Variants in OPHN1 observed in about 807,000 individuals in gnomAD.
OPHN1 encodes oligophrenin 1, also known as oligophrenin-1.
OPHN1 carries 11 observed loss-of-function variants against 60.7 expected under a neutral mutation model. That is an observed-to-expected ratio of 0.18 (90% CI 0.11 to 0.30). OPHN1 has a LOEUF of 0.30. Ranked by LOEUF, OPHN1 falls within the 10% of genes least tolerant of loss-of-function variation. OPHN1 has a pLI of 1.00. For synonymous variants in OPHN1, 226 were observed against 222.6 expected (o/e 1.02, Z -0.14); for missense variants, 449 against 611.0 (o/e 0.73, Z 2.80).
chrX:68,345,487 G>A (rs1319747193), intron 2 of OPHN1, among the ~76,000 whole-genome samples: 1 of 112,368 alleles, frequency 8.9e-6, no homozygotes, highest in Non-Finnish European at 1.9e-5. Flanking sequence ...AATCTCAGTG[G>A]AGGTGGGTTT....
intron 2 of OPHN1, among the ~76,000 whole-genome samples, chrX:68,414,802 T>C (rs2078786069): frequency 1.8e-5 from 2 of 111,838 alleles, no homozygotes; most frequent in Admixed American, 9.6e-5. Flanking sequence ...CCCATTACCA[T>C]TACTTGCTGA....
At chrX:68,191,609 C>T (rs1203661787) in intron 15 of OPHN1, among the ~76,000 whole-genome samples, 1 of 112,096 alleles carries the variant, frequency 8.9e-6, no homozygotes, top group Non-Finnish European at 1.9e-5. Context: ...CAAAACAGGA[C>T]TATGACTCTG....
chrX:68,297,474 A>G (rs903854583), intron 3 of OPHN1, among the ~76,000 whole-genome samples: 2 of 112,045 alleles, frequency 1.8e-5, no homozygotes, highest in Admixed American at 9.6e-5. Context: ...AGAAAATAAT[A>G]CAAATACAAA....
At chrX:68,404,864 AGTT>A (rs2078733909) in intron 2 of OPHN1, among the ~76,000 whole-genome samples, 2 of 111,792 alleles carry the variant, frequency 1.8e-5, no homozygotes, top group African/African-American at 6.5e-5. Context: ...AAGTAACAAA[AGTT>A]GTTAAAATCA....
chrX:68,271,126 A>G (rs966703473), intron 5 of OPHN1, among the ~76,000 whole-genome samples: 6 of 111,558 alleles, frequency 5.4e-5, no homozygotes, highest in African/African-American at 2.0e-4. Context: ...GAGATAGAAA[A>G]CCTTACAAAT....
At chrX:68,099,686 A>C (rs2077050536) in intron 18 of OPHN1, among the ~76,000 whole-genome samples, 1 of 112,361 alleles carries the variant, frequency 8.9e-6, no homozygotes, top group African/African-American at 3.2e-5. Flanking sequence ...ACCATTACTC[A>C]ACCCCAACTG....
intron 2 of OPHN1, among the ~76,000 whole-genome samples, chrX:68,366,853 C>T (rs2078501218): frequency 9.0e-6 from 1 of 111,655 alleles, no homozygotes; most frequent in African/African-American, 3.3e-5. Context: ...TTATTTAATT[C>T]TTACAACTAT....
At chrX:68,051,354 A>T (rs1485439716) in intron 23 of OPHN1, among the ~76,000 whole-genome samples, 1 of 111,852 alleles carries the variant, frequency 8.9e-6, no homozygotes, top group African/African-American at 3.3e-5. Flanking sequence ...AGTCTGTACC[A>T]GCACTTGAGA....
chrX:68,063,916 G>A lies in OPHN1; in HGVS notation c.2096C>T (p.Thr699Ile), dbSNP rs2076903009. 1 of 1,188,775 alleles carries A rather than the reference G, an allele frequency of 8.4e-7. No homozygotes were observed. Among genetic ancestry groups the A allele is most frequent in the Non-Finnish European group, 1.1e-6 (1 of 883,641 alleles). The change falls in exon 21 of 25, where the codon ACC becomes ATC. Residue 699 changes from threonine to isoleucine, a missense_variant. Physicochemically the swap from Thr to Ile is moderately conservative, Grantham distance 89 (BLOSUM62 -1). This residue lies in a region of OPHN1 where 184 missense variants were observed against 160.5 expected (regional missense o/e 1.15). Coordinates refer to ENST00000355520, the MANE Select transcript of OPHN1 (RefSeq NM_002547.3). ...CTTTATGTGGAAAGAGGGGGTCTTG[G>A]TGGGCCCAGAGCCTGGCATGGGTCC... ...TNGPMPGSGP[T>I]KTPSFHIKRP...
chrX:68,167,368 G>GA (rs1279759062), intron 15 of OPHN1, among the ~76,000 whole-genome samples: 2 of 111,176 alleles, frequency 1.8e-5, no homozygotes, highest in African/African-American at 6.5e-5. Flanking sequence ...AGGATGTGGA[G>GA]AAAAAGGAAA....
intron 15 of OPHN1, among the ~76,000 whole-genome samples, chrX:68,135,783 A>G (rs1397508755): frequency 8.9e-6 from 1 of 112,239 alleles, no homozygotes; most frequent in Non-Finnish European, 1.9e-5. Flanking sequence ...ATACATGACA[A>G]AAGTTTTTAG....
intron 15 of OPHN1, among the ~76,000 whole-genome samples, chrX:68,160,366 T>C (rs1227738817): frequency 9.0e-6 from 1 of 110,954 alleles, no homozygotes; most frequent in African/African-American, 3.3e-5. Context: ...AAATGATGAA[T>C]AGAACAACTA....
At chrX:68,104,723 G>T (rs182636893) in intron 18 of OPHN1, among the ~76,000 whole-genome samples, 1 of 111,649 alleles carries the variant, frequency 9.0e-6, no homozygotes, top group African/African-American at 3.3e-5. Flanking sequence ...AAAAACATAG[G>T]CAATACCATT....
intron 2 of OPHN1, among the ~76,000 whole-genome samples, chrX:68,401,790 A>C: frequency 8.9e-6 from 1 of 111,745 alleles, no homozygotes; most frequent in East Asian, 2.8e-4. Flanking sequence ...TTCCAGGAAA[A>C]AAGAATGGCC....
intron 15 of OPHN1, among the ~76,000 whole-genome samples, chrX:68,127,721 A>G (rs1193680480): frequency 8.9e-6 from 1 of 112,187 alleles, no homozygotes; most frequent in Non-Finnish European, 1.9e-5. Flanking sequence ...TGCTATCACT[A>G]GTACTACTTA....
At chrX:68,387,923 A>C (rs1467807214) in intron 2 of OPHN1, among the ~76,000 whole-genome samples, 3 of 110,754 alleles carry the variant, frequency 2.7e-5, no homozygotes, top group Non-Finnish European at 5.7e-5. Flanking sequence ...TTTGAGCTGG[A>C]GCTTGAAGAA....
At chrX:68,125,034 A>G (rs899144898) in intron 15 of OPHN1, among the ~76,000 whole-genome samples, 2 of 112,046 alleles carry the variant, frequency 1.8e-5, no homozygotes, top group African/African-American at 6.5e-5. Context: ...CTAGAAATCA[A>G]TAAGAAGAGG....
chrX:68,215,622 A>G (rs913618316), intron 6 of OPHN1, among the ~76,000 whole-genome samples: 1 of 112,041 alleles, frequency 8.9e-6, no homozygotes, highest in African/African-American at 3.2e-5. Context: ...GAAGCTAGAG[A>G]GAAAAACAAA....
intron 18 of OPHN1, among the ~76,000 whole-genome samples, chrX:68,100,264 C>A (rs1202780999): frequency 9.1e-6 from 1 of 110,302 alleles, no homozygotes. Flanking sequence ...TACATACATA[C>A]ACGCACACAC....
Sources: gnomAD v4.1 joint callset for allele counts (sites outside exome capture counted in the v4.1 genomes callset) on GRCh38, gnomAD v4.1.1 for gene constraint, gnomAD v4.1.1 regional missense constraint, MANE v1.5 for transcripts, NCBI Gene and HGNC (gene_info 2026-07-23, HGNC 2026-07-21) for gene names.